HDAC9: variants seen among roughly 807,000 people sequenced by gnomAD.
HDAC9 encodes histone deacetylase 9.
Under a neutral mutation model 139.4 loss-of-function variants are expected in HDAC9, and 41 were observed. The ratio of observed to expected loss-of-function variants is 0.29; its 90% CI spans 0.23 to 0.38. The LOEUF (loss-of-function observed/expected upper bound fraction) is 0.38, where lower values mean the gene tolerates loss of function less well. Among genes scored for constraint, HDAC9 ranks in the 10% least tolerant of loss-of-function variants. HDAC9 has a pLI of 1.00. For synonymous variants in HDAC9, 517 were observed against 476.2 expected (o/e 1.09, Z -1.12); for missense variants, 1,147 against 1,297.0 (o/e 0.88, Z 1.78).
chr7:18,713,442 A>G (rs894454415), intron 12 of HDAC9, among the ~76,000 whole-genome samples: 4 of 152,182 alleles, frequency 2.6e-5, no homozygotes, highest in Non-Finnish European at 5.9e-5. Flanking sequence ...GGTAACATAT[A>G]TGTTAATTAG....
rs112788211 is a variant in HDAC9, at chr7:18,456,332, G to A, written c.-41-39930G>A. Among the ~76,000 whole-genome samples, 1,243 of 152,162 alleles carry A rather than the reference G, an allele frequency of 8.2e-3. 15 individuals are homozygous for A. Among genetic ancestry groups the A allele is most frequent in the African/African-American group, 0.028 (1,177 of 41,500 alleles). On this transcript the variant is annotated intron_variant, in intron 1 of 3. Coordinates refer to the HDAC9 transcript ENST00000413509. Reference sequence around the variant, plus strand: ...ACTCACTGCAAACTCCACCTCCCGGGTTCAAGTGATTCTCTTGCCTCAGCC... The same window carrying A: ...ACTCACTGCAAACTCCACCTCCCGGATTCAAGTGATTCTCTTGCCTCAGCC...
At chr7:18,354,734 A>T (rs544830417) in intron 1 of HDAC9, among the ~76,000 whole-genome samples, 1 of 152,266 alleles carries the variant, frequency 6.6e-6, no homozygotes, top group South Asian at 2.1e-4. Context: ...CTTTGCCTTG[A>T]TCCCAAAACC....
rs1383507242 is a variant in HDAC9 at position 19,000,412 on chromosome 7, C to T, written c.*4350C>T. ...CCATGAAACGCTTCATGAAGCAGAG[C>T]ATGATTGTCAAGTGACCAGAGGATG... On this transcript the variant is annotated 3_prime_UTR_variant, in exon 26 of 26. Coordinates refer to ENST00000686413, the MANE Select transcript of HDAC9 (RefSeq NM_178425.4). The T allele has an allele frequency of 6.6e-6, 1 of 152,202 alleles. No homozygotes were observed. The highest frequency in any genetic ancestry group is 2.4e-5 in the African/African-American group (1 of 41,446). 9.4% of individuals were successfully genotyped at this position (152,202 alleles called of 1,614,324 possible).
chr7:18,744,368 G>A (rs1372466109), intron 13 of HDAC9, among the ~76,000 whole-genome samples: 2 of 152,166 alleles, frequency 1.3e-5, no homozygotes, highest in African/African-American at 4.8e-5. Context: ...TTCAATAACT[G>A]TCTACTGATT....
intron 16 of HDAC9, 24 bp from the exon 17 acceptor site, chr7:18,793,321 G>T: frequency 6.7e-7 from 1 of 1,487,964 alleles, no homozygotes. Flanking sequence ...TTCTGTCTTC[G>T]GACTCTGCTG....
intron 16 of HDAC9, among the ~76,000 whole-genome samples, chr7:18,777,071 G>T (rs1353350193): frequency 6.6e-6 from 1 of 151,952 alleles, no homozygotes; most frequent in Non-Finnish European, 1.5e-5. Flanking sequence ...TGGCTATGGA[G>T]GTATAGAGAA....
At chr7:18,128,766 A>G (rs1324896797) in intron 1 of HDAC9, among the ~76,000 whole-genome samples, 1 of 151,498 alleles carries the variant, frequency 6.6e-6, no homozygotes, top group African/African-American at 2.4e-5. Flanking sequence ...TCTTTGTGCC[A>G]TGTCTCTTTA....
chr7:18,606,957 C>G (rs1835686317), intron 6 of HDAC9, among the ~76,000 whole-genome samples: 1 of 151,942 alleles, frequency 6.6e-6, no homozygotes, highest in Non-Finnish European at 1.5e-5. Flanking sequence ...ATTTACCCAA[C>G]AATTAAATGG....
At chr7:18,155,339 C>A (rs939091643) in intron 1 of HDAC9, among the ~76,000 whole-genome samples, 4 of 152,088 alleles carry the variant, frequency 2.6e-5, no homozygotes, top group Non-Finnish European at 5.9e-5. Context: ...GGGTTGGGTA[C>A]TGGATACCCT....
chr7:18,644,137 C>A (rs969196401), intron 8 of HDAC9, among the ~76,000 whole-genome samples: 1 of 152,010 alleles, frequency 6.6e-6, no homozygotes, highest in African/African-American at 2.4e-5. Flanking sequence ...TCTAAAAATA[C>A]ACCACACAGA....
intron 12 of HDAC9, among the ~76,000 whole-genome samples, chr7:18,690,143 G>T (rs917939833): frequency 6.6e-6 from 1 of 151,824 alleles, no homozygotes; most frequent in Admixed American, 6.6e-5. Flanking sequence ...AACCCTTTTT[G>T]CAAGAGCCCC....
chr7:18,330,435 A>G (rs1800831006), intron 1 of HDAC9, among the ~76,000 whole-genome samples: 1 of 151,724 alleles, frequency 6.6e-6, no homozygotes, highest in Non-Finnish European at 1.5e-5. Flanking sequence ...TAGAACAGAT[A>G]TTTTTAATAT....
intron 2 of HDAC9, among the ~76,000 whole-genome samples, chr7:18,216,868 G>A (rs1162495152): frequency 6.6e-6 from 1 of 152,060 alleles, no homozygotes; most frequent in Non-Finnish European, 1.5e-5. Context: ...GTTGTACACT[G>A]CCACCTATAA....
intron 22 of HDAC9, among the ~76,000 whole-genome samples, chr7:18,902,270 GTTC>G (rs927222702): frequency 6.6e-6 from 1 of 152,158 alleles, no homozygotes; most frequent in Non-Finnish European, 1.5e-5. Flanking sequence ...CCTAGTGAAG[GTTC>G]TTCTCACTCC....
At chr7:18,248,849 G>A (rs188548) in intron 2 of HDAC9, among the ~76,000 whole-genome samples, 119,701 of 152,172 alleles carry the variant, frequency 0.79, 47,230 homozygotes, top group South Asian at 0.87. Context: ...TATTCATTCA[G>A]TCAACATTTA....
At chr7:18,992,767 G>C (rs924977951) in intron 25 of HDAC9, among the ~76,000 whole-genome samples, 1 of 151,828 alleles carries the variant, frequency 6.6e-6, no homozygotes, top group African/African-American at 2.4e-5. Flanking sequence ...CCTTCTTTAG[G>C]ATATGAAATC....
rs1295201342 is a variant in HDAC9, at chr7:18,590,360, A to G, written c.289A>G (p.Lys97Glu). ...GTTGCAACAGGAACTTCTAGCCATA[A>G]AACAGCAACAAGAACTCCTAGAAAA... Reference protein sequence around the residue: ...IKLQQELLAIKQQQELLEKEQ... With the variant: ...IKLQQELLAIEQQQELLEKEQ... Residue 97 changes from lysine (K) to glutamate (E), a missense_variant, in exon 4 of 26, where the codon AAA becomes GAA. By Grantham distance (56) the Lys-to-Glu change is moderately conservative. This residue lies in a region of HDAC9 where 136 missense variants were observed against 183.5 expected (regional missense o/e 0.74). Transcript: ENST00000686413. The G allele has an allele frequency of 6.2e-7, 1 of 1,612,368 alleles. No homozygotes were observed. The highest frequency in any genetic ancestry group is 8.5e-7 in the Non-Finnish European group (1 of 1,179,274).
intron 19 of HDAC9, among the ~76,000 whole-genome samples, chr7:18,829,763 G>A (rs1267677024): frequency 6.6e-6 from 1 of 152,218 alleles, no homozygotes; most frequent in Non-Finnish European, 1.5e-5. Flanking sequence ...AATTTAATGA[G>A]AAGAAGGCGC....
chr7:18,472,228 T>G (rs1794780467), intron 1 of HDAC9, among the ~76,000 whole-genome samples: 1 of 152,172 alleles, frequency 6.6e-6, no homozygotes. Flanking sequence ...AATTCCAGAT[T>G]TAAAATCAAA....
Sources: gnomAD v4.1 joint callset for allele counts (sites outside exome capture counted in the v4.1 genomes callset) on GRCh38, gnomAD v4.1.1 for gene constraint, gnomAD v4.1.1 regional missense constraint, MANE v1.5 for transcripts, NCBI Gene and HGNC (gene_info 2026-07-23, HGNC 2026-07-21) for gene names.